The following ZNF124 variants were observed in gnomAD, a reference collection of about 807,000 sequenced individuals.
ZNF124 encodes the protein zinc finger protein HZF-16.
Under a neutral mutation model 26.6 loss-of-function variants are expected in ZNF124, and 25 were observed. The observed-to-expected ratio is 0.94, with a 90% CI of 0.68 to 1.31. ZNF124 has a LOEUF of 1.31. ZNF124 is among the 40% of genes most tolerant of loss of function. The pLI, the probability that ZNF124 is intolerant of heterozygous loss-of-function variation, is 0.00. For missense variants in ZNF124, 444 were observed against 422.2 expected (o/e 1.05, Z -0.45); for synonymous variants, 129 against 133.3 (o/e 0.97, Z 0.22).
chr1:247,136,296 A>C (rs1477428649), intron 3 of ZNF124, among the ~76,000 whole-genome samples: 2 of 152,188 alleles, frequency 1.3e-5, no homozygotes, highest in Non-Finnish European at 2.9e-5. Flanking sequence ...CAACTTCAGC[A>C]AAGTCTCAGG....
chr1:247,138,690 G>C (rs1672549614), intron 3 of ZNF124: 5 of 398,550 alleles, frequency 1.3e-5, no homozygotes, highest in Non-Finnish European at 2.2e-5. Flanking sequence ...GAGAAAGAAA[G>C]GTACATACAT....
downstream of ZNF124, among the ~76,000 whole-genome samples, chr1:247,150,183 C>T (rs1672892330): frequency 6.6e-6 from 1 of 152,208 alleles, no homozygotes; most frequent in South Asian, 2.1e-4. Context: ...AATTACCACA[C>T]AATGTGTATT....
chr1:247,137,909 C>G (rs931713527), intron 3 of ZNF124, among the ~76,000 whole-genome samples: 7 of 152,222 alleles, frequency 4.6e-5, no homozygotes, highest in African/African-American at 1.7e-4. Flanking sequence ...AATGAGATAC[C>G]ATCTCATGCC....
intron 1 of ZNF124, among the ~76,000 whole-genome samples, chr1:247,161,962 A>G (rs898989494): frequency 3.9e-5 from 6 of 152,206 alleles, no homozygotes; most frequent in Non-Finnish European, 8.8e-5. Context: ...TTTATTGTGC[A>G]TTATCAGAGT....
At chr1:247,136,028 C>T (rs1485693771) in intron 3 of ZNF124, among the ~76,000 whole-genome samples, 1 of 152,108 alleles carries the variant, frequency 6.6e-6, no homozygotes, top group East Asian at 1.9e-4. Flanking sequence ...GAACATATCT[C>T]AAAATAATAA....
Position 247,155,386 on chromosome 1 carries a change from TTAAA to T in ZNF124, c.*1176_*1179del, listed in dbSNP as rs139734632. Among the ~76,000 whole-genome samples the T allele has an allele frequency of 0.029, 4,420 of 151,862 alleles. 226 individuals are homozygous for T. The highest frequency in any genetic ancestry group is 0.1 in the African/African-American group (4,225 of 41,446). ...AAAAATTTTAAAAATATTTTATACTTTAAATATTTAAAAAATATTTTTTAAAATG... is the reference window on the plus strand; with the variant it reads ...AAAAATTTTAAAAATATTTTATACTTTATTTAAAAAATATTTTTTAAAATG... On this transcript the variant is annotated 3_prime_UTR_variant, in exon 4 of 4. Coordinates refer to ENST00000543802, the MANE Select transcript of ZNF124 (RefSeq NM_001297568.2).
chr1:247,156,313 G>C lies in ZNF124; in HGVS notation c.*253C>G. On this transcript the variant is annotated 3_prime_UTR_variant, in exon 4 of 4. Coordinates refer to ENST00000543802, the MANE Select transcript of ZNF124 (RefSeq NM_001297568.2). Reference sequence around the variant, plus strand: ...ACCATCAAATACCACTGGAACAACTGCAGGCCTTACCACATTTTAAACATT... The same window carrying C: ...ACCATCAAATACCACTGGAACAACTCCAGGCCTTACCACATTTTAAACATT... 3 of 1,190,618 alleles carry C rather than the reference G, an allele frequency of 2.5e-6. No homozygotes were observed. The highest frequency in any genetic ancestry group is 3.1e-6 in the Non-Finnish European group (3 of 961,502). 73.8% of individuals were successfully genotyped at this position (1,190,618 alleles called of 1,614,324 possible). A position where few individuals can be genotyped will look rare whatever the true frequency, so the allele number is the denominator to read the frequency against.
At chr1:247,158,646 C>G (rs141940249) in intron 3 of ZNF124, among the ~76,000 whole-genome samples, 1 of 151,086 alleles carries the variant, frequency 6.6e-6, no homozygotes, top group African/African-American at 2.4e-5. Flanking sequence ...TTTTTTTCCC[C>G]GAGATGGTGT....
intron 2 of ZNF124, 25 bp downstream of exon 2, chr1:247,159,662 A>C: frequency 2.5e-6 from 4 of 1,605,114 alleles, no homozygotes; most frequent in African/African-American, 1.3e-5. Context: ...TGATTGACTA[A>C]GTGAAGAAAT....
At chr1:247,122,278 T>C (rs1049767698) in exon 4 of ZNF124, 8 of 152,370 alleles carry the variant, frequency 5.3e-5, no homozygotes, top group Admixed American at 5.2e-4. Context: ...ACTTAATACC[T>C]AATCGTTTAA....
chr1:247,126,336 C>A (rs566178588), intron 3 of ZNF124, among the ~76,000 whole-genome samples: 4 of 99,194 alleles, frequency 4.0e-5, no homozygotes, highest in African/African-American at 8.4e-5. Context: ...GGGGCGGGGC[C>A]TGAGGCCCTA....
chr1:247,154,546 C>T (rs1055913721), downstream of ZNF124, among the ~76,000 whole-genome samples: 3 of 152,012 alleles, frequency 2.0e-5, no homozygotes, highest in Admixed American at 6.6e-5. Context: ...TAGTATATAG[C>T]ACTATAAACT....
chr1:247,132,812 A>G lies in ZNF124; in HGVS notation c.219-8941T>C, dbSNP rs187901734. On this transcript the variant is annotated intron_variant, in intron 3 of 3. Transcript: ENST00000472531. ...TTACCAGTGCATGCAGCCCCCAGTC[A>G]CATACCCCCTGCTTGCTCAATCAAT... Among the ~76,000 whole-genome samples, 343 of 152,194 alleles carry G rather than the reference A, an allele frequency of 2.3e-3. 5 individuals carry two copies. The highest frequency in any genetic ancestry group is 7.8e-3 in the African/African-American group (324 of 41,532).
In ZNF124 at chr1:247,124,771, C is replaced by T. The variant is rs571023929; in HGVS notation, c.219-900G>A. Among the ~76,000 whole-genome samples the T allele has an allele frequency of 4.6e-5, 7 of 152,166 alleles. No individual in the cohort carries two copies. The South Asian group carries it at 1.5e-3, about 32-fold the overall frequency. ...TACTTAGCCAAATACTTTCAAGGTT[C>T]ATTCATGTTGTAGTATGTATCAGCA... On this transcript the variant is annotated intron_variant, in intron 3 of 3. Transcript: ENST00000472531.
chr1:247,127,746 C>T lies in ZNF124; in HGVS notation c.219-3875G>A, dbSNP rs145613500. On this transcript the variant is annotated intron_variant, in intron 3 of 3. Transcript: ENST00000472531. ...CTCAATCGATCACGACCCTCTCACG[C>T]GGACCCCCTTAGAGCTGTAAGCCCT... Among the ~76,000 whole-genome samples the T allele has an allele frequency of 1.9e-3, 281 of 146,514 alleles. 6 individuals carry two copies. The highest frequency in any genetic ancestry group is 4.5e-3 in the East Asian group (22 of 4,866).
At chr1:247,127,936 A>C (rs1250480143) in intron 3 of ZNF124, among the ~76,000 whole-genome samples, 1 of 152,056 alleles carries the variant, frequency 6.6e-6, no homozygotes, top group Non-Finnish European at 1.5e-5. Context: ...TTCCTATTTA[A>C]TTATTTCCAC....
At chr1:247,158,172 C>G (rs1393755310) in intron 3 of ZNF124, among the ~76,000 whole-genome samples, 1 of 152,254 alleles carries the variant, frequency 6.6e-6, no homozygotes, top group East Asian at 1.9e-4. Context: ...ATCACTTGAA[C>G]CCGGGAGGCG....
intron 1 of ZNF124, among the ~76,000 whole-genome samples, chr1:247,170,572 C>T (rs908745314): frequency 2.1e-5 from 3 of 144,000 alleles, no homozygotes; most frequent in African/African-American, 8.5e-5. Context: ...CCTCAGACAC[C>T]GAGTTAAAGA....
intron 3 of ZNF124, among the ~76,000 whole-genome samples, chr1:247,147,714 C>A (rs944429456): frequency 6.6e-6 from 1 of 152,148 alleles, no homozygotes; most frequent in African/African-American, 2.4e-5. Context: ...CCCTCTGTGG[C>A]AAATGGAGAA....
Sources: gnomAD v4.1 joint callset for allele counts (sites outside exome capture counted in the v4.1 genomes callset) on GRCh38, gnomAD v4.1.1 for gene constraint, MANE v1.5 for transcripts, NCBI Gene and HGNC (gene_info 2026-07-23, HGNC 2026-07-21) for gene names.